Variants in NR5A1 observed in about 807,000 individuals in gnomAD.
NR5A1 encodes the protein nuclear receptor subfamily 5 group A member 1.
Under a neutral mutation model 42.7 loss-of-function variants are expected in NR5A1, and 6 were observed. That is an observed-to-expected ratio of 0.14 (90% confidence interval 0.08 to 0.28). The LOEUF is 0.28. Ranked by LOEUF, NR5A1 falls within the 10% of genes least tolerant of loss-of-function variation. The pLI is 1.00. For missense variants in NR5A1, 442 were observed against 626.4 expected (o/e 0.71, Z 3.14); for synonymous variants, 274 against 277.5 (o/e 0.99, Z 0.12).
rs765165248 is a variant in NR5A1 at position 124,503,303 on chromosome 9, C to T, written c.93G>A (p.Glu31=). The stretch of plus-strand genomic sequence containing the variant: ...CGCGCTCGCCGCTCACCTTGCAGCT[C>T]TCACACGTGAGCAGTCCGTAGTGGT... ...SGYHYGLLTC[E]SCKGFFKRTV... Residue 31 remains glutamate (E), a synonymous_variant, in exon 2 of 7, where the codon GAG becomes GAA. Coordinates refer to ENST00000373588, the MANE Select transcript of NR5A1 (RefSeq NM_004959.5). The surrounding 1 kb of genome is among the most constrained non-coding windows in gnomAD (Gnocchi z 9.6). The T allele has an allele frequency of 6.2e-7, 1 of 1,611,328 alleles. No homozygotes were observed. Among genetic ancestry groups the T allele is most frequent in the South Asian group, 1.1e-5 (1 of 90,670 alleles).
At chr9:124,502,435 TC>T (rs1832484719) in intron 3 of NR5A1, among the ~76,000 whole-genome samples, 1 of 152,076 alleles carries the variant, frequency 6.6e-6, no homozygotes, top group Non-Finnish European at 1.5e-5. Flanking sequence ...GCTCAAGTGA[TC>T]CCCCCACCTC....
At position 124,500,082 on chromosome 9, in the gene NR5A1, A is replaced by G. The variant is rs1174492085; in HGVS notation, c.870+8T>C. The G allele has an allele frequency of 1.6e-5, 26 of 1,612,884 alleles. No individual in the cohort carries two copies. Among genetic ancestry groups the G allele is most frequent in the Admixed American group, 3.3e-5 (2 of 60,010 alleles). ...TGCAGGGCCAGCCGGGCGGGAGGAG[A>G]GACTCACCTCCAGCTCCTTGAAGAC... On this transcript the variant is annotated splice_region_variant and intron_variant, in intron 4 of 6. Transcript: ENST00000373588. This position sits in a 1 kb window ranked among gnomAD's most constrained non-coding sequence, Gnocchi z 6.9.
chr9:124,482,325 A>C lies in NR5A1; in HGVS notation c.*433T>G, dbSNP rs1832138327. ...CACTGGAGACCCTCTCTCCTCCCCT[A>C]GTTGATACCTGCTCAACTTCTCCCT... On this transcript the variant is annotated 3_prime_UTR_variant, in exon 7 of 7. Transcript: ENST00000373588. 2 of 284,990 alleles carry C rather than the reference A, an allele frequency of 7.0e-6. No homozygotes were observed. The highest frequency in any genetic ancestry group is 1.4e-5 in the Non-Finnish European group (2 of 143,804). 17.7% of individuals were successfully genotyped at this position (284,990 alleles called of 1,614,324 possible).
chr9:124,492,928 C>G (rs933961518), intron 5 of NR5A1, 102 bp downstream of exon 5: 2 of 1,358,560 alleles, frequency 1.5e-6, no homozygotes, highest in African/African-American at 2.9e-5. Flanking sequence ...TGCCCAGAGC[C>G]AGCCCCGAGA....
intron 1 of NR5A1, among the ~76,000 whole-genome samples, chr9:124,504,650 G>C (rs1172512460): frequency 6.6e-6 from 1 of 151,206 alleles, no homozygotes; most frequent in Non-Finnish European, 1.5e-5. Flanking sequence ...GAGAGGGGGC[G>C]CGACGGCGGC....
intron 3 of NR5A1, among the ~76,000 whole-genome samples, chr9:124,502,491 A>G (rs1291560034): frequency 6.6e-6 from 1 of 151,868 alleles, no homozygotes; most frequent in African/African-American, 2.4e-5. Flanking sequence ...CACCACGCCC[A>G]GCTACTTTTT....
chr9:124,500,153 G>A lies in NR5A1; in HGVS notation c.807C>T (p.Ala269=), dbSNP rs754566939. 14 of 1,612,884 alleles carry A rather than the reference G, an allele frequency of 8.7e-6. No homozygotes were observed. Among genetic ancestry groups the A allele is most frequent in the South Asian group, 3.3e-5 (3 of 91,090 alleles). The change falls in exon 4 of 7, where the codon GCC becomes GCT. Residue 269 remains alanine, a synonymous_variant. Coordinates refer to ENST00000373588, the MANE Select transcript of NR5A1 (RefSeq NM_004959.5). The surrounding 1 kb of genome is among the most constrained non-coding windows in gnomAD (Gnocchi z 6.9). ...PAAFGLLCRM[A]DQTFISIVDW... is the part of the protein sequence containing the mutation. ...CCACGATGGAGATGAAGGTCTGGTC[G>A]GCCATTCTGCACAGGAGGCCGAAGG...
At position 124,491,201 on chromosome 9, in the gene NR5A1, C is replaced by T. The variant is rs1180221940; in HGVS notation, c.1018G>A (p.Ala340Thr). 6.2e-7 allele frequency: 1 copy of T among 1,606,934 alleles called. No homozygotes were observed. The highest frequency in any genetic ancestry group is 1.1e-5 in the South Asian group (1 of 90,490). The change falls in exon 6 of 7, where the codon GCG becomes ACG. Residue 340 changes from alanine (A) to threonine (T), a missense_variant. Around this residue, in one of 3 missense-constraint regions of NR5A1, gnomAD observed 163 missense variants for 265.8 expected, o/e 0.61. Transcript: ENST00000373588. ...ACCAGGCTGTGCAGCAGCGAGCCCG[C>T]CTGGGTGGCCACTGTGGTCAGCTCC... ...EVELTTVATQAGSLLHSLVLR... is the reference protein window; with the variant it reads ...EVELTTVATQTGSLLHSLVLR...
Position 124,482,738 on chromosome 9 carries a change from G to T in NR5A1, c.*20C>A, listed in dbSNP as rs1395606228. ...GCCCCCAGTCCCGCCCCCAGTCCCG[G>T]CCCCGCCCCCGGCCCAGGCTCAAGT... On this transcript the variant is annotated 3_prime_UTR_variant, in exon 7 of 7. Coordinates refer to ENST00000373588, the MANE Select transcript of NR5A1 (RefSeq NM_004959.5). 6 of 1,040,032 alleles carry T rather than the reference G, an allele frequency of 5.8e-6. No homozygotes were observed. Among genetic ancestry groups the T allele is most frequent in the South Asian group, 1.6e-5 (1 of 61,088 alleles). 64.4% of individuals were successfully genotyped at this position (1,040,032 alleles called of 1,614,324 possible). A position where few individuals can be genotyped will look rare whatever the true frequency, so the allele number is the denominator to read the frequency against.
In NR5A1 at chr9:124,481,353, C is replaced by CA. The variant is rs1554720327; in HGVS notation, c.*1404_*1405insT. On this transcript the variant is annotated 3_prime_UTR_variant, in exon 7 of 7. Coordinates refer to ENST00000373588, the MANE Select transcript of NR5A1 (RefSeq NM_004959.5). ...TGGCAGGGGCACATGTTTCAGGGGG[C>CA]GGGGAGGGGAGGTACTGAGACAGGG... 5 of 56,298 alleles carry CA rather than the reference C, an allele frequency of 8.9e-5. No individual in the cohort carries two copies. Among genetic ancestry groups the CA allele is most frequent in the African/African-American group, 3.5e-4 (5 of 14,264 alleles). The allele number at this position is 56,298 out of a possible 1,614,324, so 3.5% of individuals were successfully genotyped here. A position where few individuals can be genotyped will look rare whatever the true frequency, so the allele number is the denominator to read the frequency against.
At position 124,500,254 on chromosome 9, in the gene NR5A1, C is replaced by T; in HGVS notation, c.706G>A (p.Asp236Asn). Residue 236 changes from aspartate (D) to asparagine (N), a missense_variant, in exon 4 of 7, where the codon GAT (aspartate) becomes AAT (asparagine). Transcript: ENST00000373588. The surrounding 1 kb of genome is among the most constrained non-coding windows in gnomAD (Gnocchi z 6.9). ...LILQLLQLEP[D>N]EDQVRARILG... is the part of the protein sequence containing the mutation. ...ATGCGGGCCCGCACCTGGTCCTCAT[C>T]CGGCTCCAGCTGCAGCAGCTGCAGG... 1 of 1,596,372 alleles carries T rather than the reference C, an allele frequency of 6.3e-7. No individual in the cohort carries two copies. The highest frequency in any genetic ancestry group is 8.5e-7 in the Non-Finnish European group (1 of 1,171,968).
chr9:124,481,787 G>A lies in NR5A1; in HGVS notation c.*971C>T, dbSNP rs1022680643. ...AACAGCGCTTCTCTGGATTGGGGCT[G>A]GGGCTCAGAAGTAATGACCCAGCAC... On this transcript the variant is annotated 3_prime_UTR_variant, in exon 7 of 7. Transcript: ENST00000373588. 2 of 152,238 alleles carry A rather than the reference G, an allele frequency of 1.3e-5. No individual in the cohort carries two copies. Among genetic ancestry groups the A allele is most frequent in the Non-Finnish European group, 2.9e-5 (2 of 68,090 alleles). 9.4% of individuals were successfully genotyped at this position (152,238 alleles called of 1,614,324 possible). A position where few individuals can be genotyped will look rare whatever the true frequency, so the allele number is the denominator to read the frequency against.
chr9:124,493,220 CT>C, intron 4 of NR5A1, 71 bp from the exon 5 acceptor site: 1 of 1,549,224 alleles, frequency 6.5e-7, no homozygotes, highest in Non-Finnish European at 8.7e-7. Flanking sequence ...ACCCCTTCTC[CT>C]CCCACTGAGA....
chr9:124,502,529 A>AT (rs1183835017), intron 3 of NR5A1, among the ~76,000 whole-genome samples: 1 of 151,944 alleles, frequency 6.6e-6, no homozygotes, highest in Non-Finnish European at 1.5e-5. Flanking sequence ...AGGTTTCTCC[A>AT]TGTTGCCCAG....
At chr9:124,505,098 G>A (rs1832536868) in intron 1 of NR5A1, among the ~76,000 whole-genome samples, 1 of 151,912 alleles carries the variant, frequency 6.6e-6, no homozygotes, top group Admixed American at 6.5e-5. Flanking sequence ...CACCCTCTCC[G>A]CAGTCCAGCT....
At position 124,500,361 on chromosome 9, in the gene NR5A1, G is replaced by A. The variant is rs1330835785; in HGVS notation, c.599C>T (p.Pro200Leu). 21 of 1,556,364 alleles carry A rather than the reference G, an allele frequency of 1.3e-5. No individual in the cohort carries two copies. Among genetic ancestry groups the A allele is most frequent in the Non-Finnish European group, 1.7e-5 (20 of 1,150,410 alleles). The change falls in exon 4 of 7, where the codon CCT becomes CTT. Residue 200 changes from proline to leucine, a missense_variant. Physicochemically the swap from Pro to Leu is moderately conservative, Grantham distance 98. Transcript: ENST00000373588. This position sits in a 1 kb window ranked among gnomAD's most constrained non-coding sequence, Gnocchi z 6.9. Reference sequence around the variant, plus strand: ...CCCAGGCTGTGGGGGGCTGGCATAAGGCTCCGGGTACTCAGACTTGATGGC... The same window carrying A: ...CCCAGGCTGTGGGGGGCTGGCATAAAGCTCCGGGTACTCAGACTTGATGGC... Reference protein sequence around the residue: ...GRAIKSEYPEPYASPPQPGLP... With the variant: ...GRAIKSEYPELYASPPQPGLP...
intron 4 of NR5A1, among the ~76,000 whole-genome samples, chr9:124,493,819 C>T (rs977278567): frequency 4.6e-5 from 7 of 152,190 alleles, no homozygotes; most frequent in Admixed American, 3.9e-4. Flanking sequence ...GCCCAGGCTG[C>T]GGCCAGAGAC....
chr9:124,499,115 G>A (rs573722912), intron 4 of NR5A1, among the ~76,000 whole-genome samples: 96 of 152,332 alleles, frequency 6.3e-4, no homozygotes, highest in African/African-American at 2.2e-3. Flanking sequence ...ATAGCCCTGG[G>A]TGAAAGAGTG....
At chr9:124,490,785 G>A (rs1274495293) in intron 6 of NR5A1, among the ~76,000 whole-genome samples, 1 of 152,100 alleles carries the variant, frequency 6.6e-6, no homozygotes, top group Non-Finnish European at 1.5e-5. Context: ...AGTCAAAATT[G>A]GGGCCCCCTA....
Sources: gnomAD v4.1 joint callset for allele counts (sites outside exome capture counted in the v4.1 genomes callset) on GRCh38, gnomAD v4.1.1 for gene constraint, gnomAD v4.1.1 regional missense constraint, Gnocchi (gnomAD v3.1) non-coding constraint, MANE v1.5 for transcripts, NCBI Gene and HGNC (gene_info 2026-07-23, HGNC 2026-07-21) for gene names.